Variants in SLC25A26 observed in about 807,000 individuals in gnomAD.
The protein encoded by SLC25A26 is mitochondrial S-adenosylmethionine carrier protein.
A neutral mutation model predicts 37.8 loss-of-function variants in SLC25A26; 36 were observed. The observed-to-expected ratio is 0.95, with a 90% CI of 0.73 to 1.26. SLC25A26 has a LOEUF of 1.26. SLC25A26 is among the 50% of genes most tolerant of loss of function. The probability of loss-of-function intolerance (pLI) is 0.00; values close to 1 mark genes in which losing one functional copy is unlikely to be tolerated. For synonymous variants in SLC25A26, 129 were observed against 122.5 expected, an observed-to-expected ratio of 1.05 and a Z score of -0.35; for missense variants, 390 against 331.1, an observed-to-expected ratio of 1.18 and a Z score of -1.38.
intron 3 of SLC25A26, among the ~76,000 whole-genome samples, chr3:66,253,295 C>T (rs1012345827): frequency 6.6e-6 from 1 of 151,300 alleles, no homozygotes; most frequent in African/African-American, 2.4e-5. Flanking sequence ...CCTGTAGTCC[C>T]AGCTACTCGG....
At chr3:66,144,825 A>C (rs578033320) in intron 1 of SLC25A26, among the ~76,000 whole-genome samples, 48 of 152,324 alleles carry the variant, frequency 3.2e-4, no homozygotes, top group African/African-American at 1.1e-3. Flanking sequence ...TGACTTCAAA[A>C]CTCTAATAAT....
At chr3:66,234,425 C>G (rs1045375239) in intron 1 of SLC25A26, among the ~76,000 whole-genome samples, 3 of 152,192 alleles carry the variant, frequency 2.0e-5, no homozygotes, top group African/African-American at 7.2e-5. Context: ...TTTGGTACTA[C>G]TTGGTTTCTC....
chr3:66,313,303 A>G (rs991622063), intron 5 of SLC25A26, among the ~76,000 whole-genome samples: 2 of 151,920 alleles, frequency 1.3e-5, no homozygotes, highest in Non-Finnish European at 2.9e-5. Flanking sequence ...TAATTTTTAT[A>G]TAAGGAAGGG....
At chr3:66,324,761 G>A (rs1393105541) in intron 5 of SLC25A26, among the ~76,000 whole-genome samples, 2 of 151,736 alleles carry the variant, frequency 1.3e-5, no homozygotes, top group African/African-American at 4.8e-5. Flanking sequence ...TTTTTGCAAA[G>A]ATGATTTCAT....
chr3:66,182,751 A>AG (rs1390079724), intron 1 of SLC25A26, among the ~76,000 whole-genome samples: 2 of 150,378 alleles, frequency 1.3e-5, no homozygotes, highest in Non-Finnish European at 3.0e-5. Flanking sequence ...AGAAAAGACC[A>AG]GGGAATCTCT....
intron 5 of SLC25A26, among the ~76,000 whole-genome samples, chr3:66,316,893 C>T (rs1281417104): frequency 6.6e-6 from 1 of 152,146 alleles, no homozygotes; most frequent in Non-Finnish European, 1.5e-5. Flanking sequence ...TTGGTCTATT[C>T]AGCTATTGAT....
At chr3:66,134,037 A>C (rs2069909756) in intron 1 of SLC25A26, 1 of 152,246 alleles carries the variant, frequency 6.6e-6, no homozygotes, top group Non-Finnish European at 1.5e-5. Flanking sequence ...ATTGGAAGGA[A>C]AGAAGGGCTA....
intron 5 of SLC25A26, among the ~76,000 whole-genome samples, chr3:66,345,499 C>A (rs1301921538): frequency 6.7e-6 from 1 of 149,918 alleles, no homozygotes; most frequent in African/African-American, 2.5e-5. Flanking sequence ...TCTCTGCCCC[C>A]CTACCCTCTA....
At chr3:66,251,119 G>A (rs2107188827) in intron 3 of SLC25A26, among the ~76,000 whole-genome samples, 1 of 152,264 alleles carries the variant, frequency 6.6e-6, no homozygotes, top group East Asian at 1.9e-4. Flanking sequence ...AGTTCCATAT[G>A]TTTGGAGCAC....
chr3:66,278,277 A>C (rs2074223145), intron 5 of SLC25A26, among the ~76,000 whole-genome samples: 1 of 152,164 alleles, frequency 6.6e-6, no homozygotes, highest in African/African-American at 2.4e-5. Context: ...TAAAATAATG[A>C]CAAGTTAAAT....
intron 1 of SLC25A26, among the ~76,000 whole-genome samples, chr3:66,230,348 C>G (rs190366703): frequency 8.2e-4 from 125 of 152,222 alleles, no homozygotes; most frequent in Admixed American, 1.2e-3. Context: ...GCATTTAATT[C>G]TGACTGGAAA....
At chr3:66,282,663 A>G (rs185077410) in intron 5 of SLC25A26, among the ~76,000 whole-genome samples, 10 of 152,310 alleles carry the variant, frequency 6.6e-5, no homozygotes, top group Admixed American at 5.9e-4. Context: ...CCCATTTCAT[A>G]TATTTACATC....
intron 1 of SLC25A26, among the ~76,000 whole-genome samples, chr3:66,235,159 G>A (rs1392394397): frequency 6.6e-6 from 1 of 152,162 alleles, no homozygotes; most frequent in Admixed American, 6.5e-5. Flanking sequence ...ATCTAGATCT[G>A]TATTTTAATA....
chr3:66,258,170 C>T (rs2073379433), intron 3 of SLC25A26, among the ~76,000 whole-genome samples: 1 of 152,126 alleles, frequency 6.6e-6, no homozygotes, highest in African/African-American at 2.4e-5. Flanking sequence ...AAGGGGTGGC[C>T]ATGTCACACA....
intron 9 of SLC25A26, among the ~76,000 whole-genome samples, chr3:66,374,208 GGTTTGTGGCA>G (rs78623766): frequency 0.2 from 30,941 of 152,200 alleles, 3,324 homozygotes; most frequent in Admixed American, 0.27. Flanking sequence ...CCAAATTGAA[GGTTTGTGGCA>G]ACCCTGCGTT....
At chr3:66,302,847 G>A (rs1476338427) in intron 5 of SLC25A26, among the ~76,000 whole-genome samples, 1 of 152,298 alleles carries the variant, frequency 6.6e-6, no homozygotes, top group South Asian at 2.1e-4. Flanking sequence ...TTTGCCTTCT[G>A]AGTGTGTAAG....
At chr3:66,245,682 A>G (rs931630573) in intron 3 of SLC25A26, among the ~76,000 whole-genome samples, 3 of 152,244 alleles carry the variant, frequency 2.0e-5, no homozygotes, top group African/African-American at 7.2e-5. Context: ...TTTGAACAAG[A>G]ATCTACAAAC....
chr3:66,341,452 T>G (rs773057208), intron 5 of SLC25A26, among the ~76,000 whole-genome samples: 3 of 150,198 alleles, frequency 2.0e-5, no homozygotes, highest in Non-Finnish European at 3.0e-5. Context: ...TAGGAGCCAC[T>G]TCCATCTACA....
intron 1 of SLC25A26, among the ~76,000 whole-genome samples, chr3:66,180,367 G>T (rs994767022): frequency 6.6e-6 from 1 of 152,162 alleles, no homozygotes; most frequent in South Asian, 2.1e-4. Flanking sequence ...TAATGGCCTA[G>T]GAGAAGCCAA....
Sources: gnomAD v4.1 joint callset for allele counts (sites outside exome capture counted in the v4.1 genomes callset) on GRCh38, gnomAD v4.1.1 for gene constraint, MANE v1.5 for transcripts, NCBI Gene and HGNC (gene_info 2026-07-23, HGNC 2026-07-21) for gene names.